The following ANKRD29 variants were observed in gnomAD, a reference collection of about 807,000 sequenced individuals.
ANKRD29 encodes ankyrin repeat domain-containing protein 29.
In ANKRD29, 32 loss-of-function variants were observed where a neutral mutation model predicts 38.0. The ratio of observed to expected loss-of-function variants is 0.84; its 90% CI spans 0.64 to 1.13. The LOEUF (loss-of-function observed/expected upper bound fraction) is 1.13, where lower values mean the gene tolerates loss of function less well. Among genes scored for constraint, ANKRD29 ranks in the 50% most tolerant of loss-of-function variants. The pLI, the probability that ANKRD29 is intolerant of heterozygous loss-of-function variation, is 0.00. For synonymous variants in ANKRD29, 135 were observed against 152.4 expected, an observed-to-expected ratio of 0.89 and a Z score of 0.84; for missense variants, 357 against 377.9, an observed-to-expected ratio of 0.94 and a Z score of 0.46.
intron 3 of ANKRD29, among the ~76,000 whole-genome samples, chr18:23,640,956 G>A (rs2060066212): frequency 6.6e-6 from 1 of 152,198 alleles, no homozygotes; most frequent in Admixed American, 6.5e-5. Flanking sequence ...GGGCCTGGGT[G>A]TCTCTGTGAA....
chr18:23,642,330 G>A (rs1045352461), intron 3 of ANKRD29, among the ~76,000 whole-genome samples: 6 of 152,004 alleles, frequency 3.9e-5, no homozygotes, highest in African/African-American at 9.7e-5. Context: ...GGGGCTCTGC[G>A]GTTCCTGGCA....
chr18:23,657,720 T>A (rs547254122), intron 1 of ANKRD29, among the ~76,000 whole-genome samples: 29 of 152,368 alleles, frequency 1.9e-4, no homozygotes, highest in East Asian at 1.5e-3. Context: ...TCACTGAATA[T>A]GTTTTTAAGT....
chr18:23,612,281 C>CTG (rs2059653334), intron 8 of ANKRD29, 91 bp from the exon 9 acceptor site: 2 of 1,157,528 alleles, frequency 1.7e-6, no homozygotes, highest in Non-Finnish European at 2.5e-6. Flanking sequence ...GGTGATAAGA[C>CTG]TGTAACCTCA....
intron 5 of ANKRD29, among the ~76,000 whole-genome samples, chr18:23,633,775 T>C (rs945304755): frequency 6.6e-6 from 1 of 152,130 alleles, no homozygotes; most frequent in East Asian, 1.9e-4. Flanking sequence ...TTCACCATGT[T>C]GGCCAGGCTG....
At chr18:23,651,661 A>G (rs2060212654) in intron 1 of ANKRD29, among the ~76,000 whole-genome samples, 1 of 152,202 alleles carries the variant, frequency 6.6e-6, no homozygotes, top group African/African-American at 2.4e-5. Flanking sequence ...TCAAAAGACC[A>G]TCTGCAAACA....
intron 3 of ANKRD29, among the ~76,000 whole-genome samples, chr18:23,644,683 C>T (rs7227313): frequency 2.0e-5 from 3 of 152,122 alleles, no homozygotes; most frequent in Non-Finnish European, 4.4e-5. Context: ...AACACCCAGA[C>T]GGGTGGTGGG....
chr18:23,626,087 G>C (rs967853316), intron 6 of ANKRD29, among the ~76,000 whole-genome samples: 1 of 152,182 alleles, frequency 6.6e-6, no homozygotes, highest in Non-Finnish European at 1.5e-5. Context: ...ATGGCTGTCT[G>C]TTCCCATTTC....
In ANKRD29 at chr18:23,659,096, C is replaced by T. The variant is rs749298233; in HGVS notation, c.21+3614G>A. On this transcript the variant is annotated intron_variant, in intron 1 of 9. Coordinates refer to ENST00000592179, the MANE Select transcript of ANKRD29 (RefSeq NM_173505.4). ...TCTAGGGTTCAAGTGATTTTCCTGC[C>T]TCAGCCTCCCCAGTAGCTGGGATTA... is the stretch of plus-strand genomic sequence containing the variant. 7.2e-5 allele frequency among the ~76,000 whole-genome samples: 11 copies of T among 152,286 alleles called. No homozygotes were observed. The South Asian group carries it at 1.2e-3, about 17-fold the overall frequency.
chr18:23,619,802 G>A lies in ANKRD29; in HGVS notation c.529-173C>T. The A allele has an allele frequency of 1.9e-5, 11 of 567,422 alleles. No homozygotes were observed. The South Asian group carries it at 2.3e-4, about 12-fold the overall frequency. 35.1% of individuals were successfully genotyped at this position (567,422 alleles called of 1,614,324 possible). A position where few individuals can be genotyped will look rare whatever the true frequency, so the allele number is the denominator to read the frequency against. On this transcript the variant is annotated intron_variant, in intron 6 of 9. Transcript: ENST00000592179. Reference sequence around the variant, plus strand: ...GCCCAGGAGGCAGTGAGAAAAGAGGGGGTGTGTGTAGCCCACGGACGCAGA... The same window carrying A: ...GCCCAGGAGGCAGTGAGAAAAGAGGAGGTGTGTGTAGCCCACGGACGCAGA...
At chr18:23,603,440 C>T (rs1474352882) in intron 9 of ANKRD29, among the ~76,000 whole-genome samples, 1 of 152,182 alleles carries the variant, frequency 6.6e-6, no homozygotes, top group Non-Finnish European at 1.5e-5. Context: ...TAAGACCAGC[C>T]TGGCCAATAT....
At chr18:23,654,079 A>G (rs1454701939) in intron 1 of ANKRD29, among the ~76,000 whole-genome samples, 1 of 151,848 alleles carries the variant, frequency 6.6e-6, no homozygotes, top group East Asian at 1.9e-4. Flanking sequence ...CATCCCAGCC[A>G]ACATGGTGAA....
At chr18:23,634,870 G>A (rs1053777728) in intron 4 of ANKRD29, among the ~76,000 whole-genome samples, 3 of 152,190 alleles carry the variant, frequency 2.0e-5, no homozygotes, top group African/African-American at 7.2e-5. Flanking sequence ...CTGGGGAAAC[G>A]CCGTCTTCTC....
chr18:23,632,221 A>ATTTTCT (rs924089443), intron 5 of ANKRD29, among the ~76,000 whole-genome samples: 3 of 151,930 alleles, frequency 2.0e-5, no homozygotes, highest in East Asian at 1.9e-4. Flanking sequence ...ACTCTCAGCA[A>ATTTTCT]TTTTCTTTTT....
chr18:23,606,560 C>T (rs1809388709), intron 9 of ANKRD29, among the ~76,000 whole-genome samples: 1 of 152,180 alleles, frequency 6.6e-6, no homozygotes, highest in Admixed American at 6.5e-5. Context: ...ATCCTCCCAC[C>T]TCTGCCTCCC....
Position 23,617,842 on chromosome 18 carries a change from G to C in ANKRD29, c.628-15C>G. 2 of 1,605,232 alleles carry C rather than the reference G, an allele frequency of 1.2e-6. No individual in the cohort carries two copies. The highest frequency in any genetic ancestry group is 1.7e-6 in the Non-Finnish European group (2 of 1,172,500). On this transcript the variant is annotated splice_polypyrimidine_tract_variant and intron_variant, in intron 7 of 9. Coordinates refer to ENST00000592179, the MANE Select transcript of ANKRD29 (RefSeq NM_173505.4). ...GTTGTGCCATCCTTAACAGAAAGAG[G>C]AAAATAAAAGTTGATTATTAACATA...
chr18:23,613,577 T>C (rs1463324397), intron 8 of ANKRD29, among the ~76,000 whole-genome samples: 1 of 151,924 alleles, frequency 6.6e-6, no homozygotes, highest in Non-Finnish European at 1.5e-5. Context: ...TTCACTTTCA[T>C]AGATGGTTTA....
At chr18:23,622,539 G>A (rs1237442069) in intron 6 of ANKRD29, among the ~76,000 whole-genome samples, 1 of 152,118 alleles carries the variant, frequency 6.6e-6, no homozygotes, top group Non-Finnish European at 1.5e-5. Context: ...GCTAAAAGGT[G>A]CTATATTGTG....
chr18:23,650,341 G>A (rs891535059), intron 1 of ANKRD29, among the ~76,000 whole-genome samples: 6 of 151,856 alleles, frequency 4.0e-5, no homozygotes, highest in South Asian at 2.1e-4. Context: ...AGAGGTTCTC[G>A]CTGTGTGGCC....
At chr18:23,649,722 C>A (rs990287673) in intron 1 of ANKRD29, among the ~76,000 whole-genome samples, 2 of 152,008 alleles carry the variant, frequency 1.3e-5, no homozygotes, top group Non-Finnish European at 2.9e-5. Context: ...ACCTAATTTT[C>A]TTTTTTTGTT....
Sources: allele counts gnomAD v4.1 joint callset (sites outside exome capture counted in the v4.1 genomes callset), GRCh38; gene constraint gnomAD v4.1.1; transcripts MANE v1.5; gene names NCBI Gene and HGNC (gene_info 2026-07-23, HGNC 2026-07-21).